CNTN4: variants seen among roughly 807,000 people sequenced by gnomAD.
CNTN4 encodes contactin 4.
A neutral mutation model predicts 122.5 loss-of-function variants in CNTN4; 77 were observed. The observed-to-expected ratio is 0.63, with a 90% CI of 0.52 to 0.76. The LOEUF is 0.76. CNTN4 is among the 30% of genes least tolerant of loss of function. The pLI is 0.00. For missense variants in CNTN4, 1,256 were observed against 1,259.1 expected, an observed-to-expected ratio of 1.00 and a Z score of 0.04; for synonymous variants, 512 against 447.0, an observed-to-expected ratio of 1.15 and a Z score of -1.83.
chr3:2,490,788 T>C (rs940347927), intron 3 of CNTN4, among the ~76,000 whole-genome samples: 3 of 152,214 alleles, frequency 2.0e-5, no homozygotes, highest in Admixed American at 2.0e-4. Context: ...GCCCACCCTT[T>C]ATTTTCTCAT....
At chr3:2,368,991 C>G in intron 3 of CNTN4, among the ~76,000 whole-genome samples, 1 of 152,142 alleles carries the variant, frequency 6.6e-6, no homozygotes, top group Non-Finnish European at 1.5e-5. Context: ...GTGGCAAGAT[C>G]TCGGCTCCCT....
intron 2 of CNTN4, among the ~76,000 whole-genome samples, chr3:2,218,421 G>A (rs2149477660): frequency 6.6e-6 from 1 of 152,336 alleles, no homozygotes; most frequent in South Asian, 2.1e-4. Context: ...TCGGGAGGCT[G>A]AAGGAAGAGG....
At chr3:2,977,113 C>T (rs990591766) in intron 13 of CNTN4, among the ~76,000 whole-genome samples, 7 of 152,214 alleles carry the variant, frequency 4.6e-5, no homozygotes, top group African/African-American at 1.7e-4. Context: ...TCTACTCCTT[C>T]TACATTGTGA....
intron 3 of CNTN4, among the ~76,000 whole-genome samples, chr3:2,402,904 T>G (rs2046908408): frequency 6.6e-6 from 1 of 152,170 alleles, no homozygotes; most frequent in South Asian, 2.1e-4. Context: ...GTATCTCATC[T>G]TTTGAAGAGA....
chr3:2,972,165 G>A (rs544043618), intron 13 of CNTN4, among the ~76,000 whole-genome samples: 8 of 152,112 alleles, frequency 5.3e-5, no homozygotes, highest in African/African-American at 9.6e-5. Context: ...ACTACAAAGC[G>A]AGTATCCCTA....
At chr3:3,009,646 GATGGTCT>G in intron 14 of CNTN4, among the ~76,000 whole-genome samples, 1 of 152,040 alleles carries the variant, frequency 6.6e-6, no homozygotes, top group Non-Finnish European at 1.5e-5. Context: ...TGTTAGCCAG[GATGGTCT>G]CGATCTCCTG....
intron 3 of CNTN4, among the ~76,000 whole-genome samples, chr3:2,404,787 G>C (rs956502508): frequency 1.3e-5 from 2 of 152,104 alleles, no homozygotes; most frequent in African/African-American, 2.4e-5. Context: ...TAACATCTCA[G>C]TATTTTTTTT....
intron 2 of CNTN4, among the ~76,000 whole-genome samples, chr3:2,333,483 A>C (rs2043818900): frequency 6.6e-6 from 1 of 152,208 alleles, no homozygotes; most frequent in Non-Finnish European, 1.5e-5. Context: ...CCTTGTTATC[A>C]AGAGATAATC....
chr3:2,931,294 AAGG>A (rs1175281142), intron 13 of CNTN4, among the ~76,000 whole-genome samples: 6 of 152,192 alleles, frequency 3.9e-5, no homozygotes, highest in African/African-American at 1.4e-4. Context: ...GGATTGAAAA[AAGG>A]AGGAGGAAAA....
chr3:2,134,787 T>C (rs2034608547), intron 2 of CNTN4, among the ~76,000 whole-genome samples: 1 of 152,210 alleles, frequency 6.6e-6, no homozygotes, highest in African/African-American at 2.4e-5. Context: ...GCCCAGCTTA[T>C]GCGGCAGTCA....
chr3:2,959,793 C>G (rs1271592726), intron 13 of CNTN4, among the ~76,000 whole-genome samples: 1 of 152,048 alleles, frequency 6.6e-6, no homozygotes, highest in African/African-American at 2.4e-5. Context: ...GTTTTTGTCT[C>G]CCTAGGTATG....
At chr3:2,323,318 G>T (rs2043334846) in intron 2 of CNTN4, among the ~76,000 whole-genome samples, 1 of 152,074 alleles carries the variant, frequency 6.6e-6, no homozygotes. Context: ...ACAGGAGAGG[G>T]CAAGTGATTG....
At chr3:2,335,856 A>G (rs2043934407) in intron 2 of CNTN4, among the ~76,000 whole-genome samples, 4 of 152,156 alleles carry the variant, frequency 2.6e-5, no homozygotes, top group Admixed American at 2.6e-4. Flanking sequence ...TGGAAGTGGA[A>G]CTTATTTTGG....
chr3:2,412,453 A>G (rs1030031791), intron 3 of CNTN4, among the ~76,000 whole-genome samples: 16 of 151,964 alleles, frequency 1.1e-4, no homozygotes, highest in Admixed American at 9.8e-4. Flanking sequence ...GGGTTTCACT[A>G]TGTCGGTCAG....
intron 3 of CNTN4, among the ~76,000 whole-genome samples, chr3:2,495,433 T>A (rs1301726700): frequency 1.3e-5 from 2 of 152,224 alleles, no homozygotes; most frequent in Non-Finnish European, 2.9e-5. Context: ...GATGAATAAA[T>A]TCCTGAATCC....
chr3:2,916,044 T>A (rs765874424), intron 12 of CNTN4, among the ~76,000 whole-genome samples: 1 of 151,754 alleles, frequency 6.6e-6, no homozygotes, highest in African/African-American at 2.4e-5. Context: ...AAATGGGGAG[T>A]TGGGTAATGG....
At chr3:2,967,341 C>G (rs1692423432) in intron 13 of CNTN4, among the ~76,000 whole-genome samples, 1 of 152,074 alleles carries the variant, frequency 6.6e-6, no homozygotes, top group Non-Finnish European at 1.5e-5. Context: ...TTAGATTTTA[C>G]AATAGTGATA....
chr3:2,238,607 T>G (rs1317826030), intron 2 of CNTN4, among the ~76,000 whole-genome samples: 6 of 151,900 alleles, frequency 3.9e-5, no homozygotes. Flanking sequence ...TTGGTGATTT[T>G]TAATAAAATG....
chr3:2,289,595 T>C (rs77040349), intron 2 of CNTN4, among the ~76,000 whole-genome samples: 2,211 of 152,332 alleles, frequency 0.015, 62 homozygotes, highest in African/African-American at 0.051. Context: ...AAGATTGGAT[T>C]ACATAAGATG....
Sources: allele counts gnomAD v4.1 joint callset (sites outside exome capture counted in the v4.1 genomes callset), GRCh38; gene constraint gnomAD v4.1.1; transcripts MANE v1.5; gene names NCBI Gene and HGNC (gene_info 2026-07-23, HGNC 2026-07-21).